Variants in CYP7B1 observed in about 807,000 individuals in gnomAD.
The protein encoded by CYP7B1 is cytochrome P450 family 7 subfamily B member 1, also known as cytochrome P450 7B1.
Under a neutral mutation model 42.7 loss-of-function variants are expected in CYP7B1, and 29 were observed. The ratio of observed to expected loss-of-function variants is 0.68; its 90% CI spans 0.51 to 0.93. CYP7B1 has a LOEUF of 0.93. Ranked by LOEUF, CYP7B1 falls within the 40% of genes least tolerant of loss-of-function variation. The pLI, the probability that CYP7B1 is intolerant of heterozygous loss-of-function variation, is 0.00. For synonymous variants in CYP7B1, 235 were observed against 218.2 expected, an observed-to-expected ratio of 1.08 and a Z score of -0.68; for missense variants, 655 against 600.5, an observed-to-expected ratio of 1.09 and a Z score of -0.95.
chr8:64,756,039 G>A (rs57755888), intron 1 of CYP7B1, among the ~76,000 whole-genome samples: 35,508 of 152,024 alleles, frequency 0.23, 4,589 homozygotes, highest in African/African-American at 0.34. Context: ...TACATCATTC[G>A]TCCACCTGTG....
rs925177455 is a variant in CYP7B1, at chr8:64,593,515, A to G, written c.*3127T>C. 6.6e-6 allele frequency among the ~76,000 whole-genome samples: 1 copy of G among 152,094 alleles called. No individual in the cohort carries two copies. Among genetic ancestry groups the G allele is most frequent in the Non-Finnish European group, 1.5e-5 (1 of 68,012 alleles). ...TTTAGGGCTAGAAACCACAATACCT[A>G]TGTAGCGTTCCCTCCCCACTCCCAG... On this transcript the variant is annotated 3_prime_UTR_variant, in exon 6 of 6. Transcript: ENST00000310193.
At chr8:64,748,488 A>G (rs377151009) in intron 1 of CYP7B1, among the ~76,000 whole-genome samples, 3 of 152,130 alleles carry the variant, frequency 2.0e-5, no homozygotes, top group Non-Finnish European at 2.9e-5. Context: ...TCATTCTGCT[A>G]TTCATTTACC....
intron 1 of CYP7B1, among the ~76,000 whole-genome samples, chr8:64,697,653 G>A (rs552586243): frequency 6.6e-6 from 1 of 152,290 alleles, no homozygotes; most frequent in East Asian, 1.9e-4. Context: ...ACTGCTGCCA[G>A]GGAGAACAGG....
chr8:64,756,717 T>C (rs1349988423), intron 1 of CYP7B1, among the ~76,000 whole-genome samples: 1 of 152,206 alleles, frequency 6.6e-6, no homozygotes, highest in African/African-American at 2.4e-5. Context: ...TTAGGGATCA[T>C]AAAATCCACA....
At chr8:64,744,700 A>T (rs981161076) in intron 1 of CYP7B1, among the ~76,000 whole-genome samples, 3 of 152,176 alleles carry the variant, frequency 2.0e-5, no homozygotes, top group Non-Finnish European at 4.4e-5. Context: ...AATTGTCTTA[A>T]TTTTGCCCTG....
chr8:64,596,416 G>C lies in CYP7B1; in HGVS notation c.*226C>G. Reference sequence around the variant, plus strand: ...AAAAACAACAACAACCCTGTTTTGAGCCTACCCTTAAGTTGATTTTGATGT... The same window carrying C: ...AAAAACAACAACAACCCTGTTTTGACCCTACCCTTAAGTTGATTTTGATGT... On this transcript the variant is annotated 3_prime_UTR_variant, in exon 6 of 6. Coordinates refer to ENST00000310193, the MANE Select transcript of CYP7B1 (RefSeq NM_004820.5). The C allele has an allele frequency of 2.1e-6, 1 of 468,682 alleles. No homozygotes were observed. The highest frequency in any genetic ancestry group is 2.8e-5 in the South Asian group (1 of 35,806). 29.0% of individuals were successfully genotyped at this position (468,682 alleles called of 1,614,324 possible).
chr8:64,642,349 C>T (rs62521082), intron 1 of CYP7B1, among the ~76,000 whole-genome samples: 16,331 of 151,920 alleles, frequency 0.11, 1,145 homozygotes, highest in Non-Finnish European at 0.16. Flanking sequence ...CCAGGGTCCA[C>T]CTCGTTGGAC....
intron 1 of CYP7B1, among the ~76,000 whole-genome samples, chr8:64,770,217 AC>A (rs1804198777): frequency 6.6e-6 from 1 of 152,148 alleles, no homozygotes; most frequent in Non-Finnish European, 1.5e-5. Flanking sequence ...GTGCCATAAA[AC>A]CAAACAATAG....
intron 1 of CYP7B1, among the ~76,000 whole-genome samples, chr8:64,709,272 TGATCAACAATAAA>T: frequency 6.6e-6 from 1 of 152,222 alleles, no homozygotes; most frequent in Admixed American, 6.5e-5. Flanking sequence ...CCAAAAAGCT[TGATCAACAATAAA>T]TTTGATCTTT....
At chr8:64,646,274 G>T (rs994158895) in intron 1 of CYP7B1, among the ~76,000 whole-genome samples, 2 of 151,910 alleles carry the variant, frequency 1.3e-5, no homozygotes, top group Non-Finnish European at 2.9e-5. Context: ...CCCACAAAAT[G>T]GGAGAAAATT....
intron 1 of CYP7B1, among the ~76,000 whole-genome samples, chr8:64,777,223 A>G (rs1445748024): frequency 6.6e-6 from 1 of 151,316 alleles, no homozygotes; most frequent in Non-Finnish European, 1.5e-5. Context: ...ACAAAAGGTG[A>G]GTAAGCATAA....
chr8:64,722,027 G>C (rs996806456), intron 1 of CYP7B1, among the ~76,000 whole-genome samples: 6 of 152,106 alleles, frequency 3.9e-5, no homozygotes, highest in East Asian at 3.8e-4. Flanking sequence ...TAGCATAACA[G>C]GAGCACACAA....
intron 1 of CYP7B1, among the ~76,000 whole-genome samples, chr8:64,670,556 C>T (rs1806351412): frequency 6.6e-6 from 1 of 152,064 alleles, no homozygotes; most frequent in Admixed American, 6.6e-5. Flanking sequence ...TAAGAGCTGA[C>T]CCACAAGATC....
At chr8:64,717,575 T>C (rs1430354102) in intron 1 of CYP7B1, among the ~76,000 whole-genome samples, 2 of 152,066 alleles carry the variant, frequency 1.3e-5, no homozygotes, top group African/African-American at 4.8e-5. Context: ...TTTTTTGGCC[T>C]AGTGTGGTGG....
intron 4 of CYP7B1, among the ~76,000 whole-genome samples, chr8:64,612,586 G>A (rs1204563382): frequency 1.3e-5 from 2 of 152,144 alleles, no homozygotes; most frequent in Non-Finnish European, 2.9e-5. Context: ...GCAGTCTAAC[G>A]TTTCTTCTCA....
intron 1 of CYP7B1, among the ~76,000 whole-genome samples, chr8:64,781,117 C>T (rs1232400193): frequency 6.6e-6 from 1 of 152,102 alleles, no homozygotes; most frequent in African/African-American, 2.4e-5. Context: ...CAAAAATTCT[C>T]AAATGATGAT....
Position 64,615,539 on chromosome 8 carries a change from A to G in CYP7B1, c.850+152T>C. On this transcript the variant is annotated intron_variant, in intron 3 of 5. Transcript: ENST00000310193. ...CTCAGCAAAAAAAAAAAAAATATCAATTATAGAGGGTTATATCAGAGTAAA... is the reference window on the plus strand; with the variant it reads ...CTCAGCAAAAAAAAAAAAAATATCAGTTATAGAGGGTTATATCAGAGTAAA... 6.5e-6 allele frequency: 5 copies of G among 764,098 alleles called. No individual in the cohort carries two copies. In the East Asian group the frequency reaches 1.3e-4, roughly 20 times the overall value. The allele number at this position is 764,098 out of a possible 1,614,324, so 47.3% of individuals were successfully genotyped here. A position where few individuals can be genotyped will look rare whatever the true frequency, so the allele number is the denominator to read the frequency against.
At chr8:64,772,275 T>G (rs1396295526) in intron 1 of CYP7B1, among the ~76,000 whole-genome samples, 1 of 152,206 alleles carries the variant, frequency 6.6e-6, no homozygotes, top group Non-Finnish European at 1.5e-5. Context: ...TGGGTCACAT[T>G]GCCCAGATAT....
chr8:64,610,588 G>C (rs571686325), intron 4 of CYP7B1, among the ~76,000 whole-genome samples: 2 of 152,092 alleles, frequency 1.3e-5, no homozygotes, highest in South Asian at 4.2e-4. Flanking sequence ...GGATATATAG[G>C]AATGCTCTCT....
Sources: allele counts gnomAD v4.1 joint callset (sites outside exome capture counted in the v4.1 genomes callset), GRCh38; gene constraint gnomAD v4.1.1; transcripts MANE v1.5; gene names NCBI Gene and HGNC (gene_info 2026-07-23, HGNC 2026-07-21).